Variants in TRIM62 observed in about 807,000 individuals in gnomAD.
TRIM62 encodes tripartite motif containing 62.
A neutral mutation model predicts 44.2 loss-of-function variants in TRIM62; 39 were observed. That is an observed-to-expected ratio of 0.88 (90% confidence interval 0.68 to 1.15). The LOEUF (loss-of-function observed/expected upper bound fraction) is 1.15. TRIM62 is among the 50% of genes most tolerant of loss of function. The pLI is 0.00. For missense variants in TRIM62, 544 were observed against 665.5 expected (o/e 0.82, Z 2.01); for synonymous variants, 278 against 292.3 (o/e 0.95, Z 0.50).
At chr1:33,179,248 C>T (rs1027700667) in intron 1 of TRIM62, among the ~76,000 whole-genome samples, 19 of 152,220 alleles carry the variant, frequency 1.2e-4, no homozygotes, top group African/African-American at 4.6e-4. Context: ...CTCCCAGAGG[C>T]CCAGGCCCTT....
intron 1 of TRIM62, among the ~76,000 whole-genome samples, chr1:33,171,294 C>T (rs139228439): frequency 6.6e-6 from 1 of 152,284 alleles, no homozygotes; most frequent in Non-Finnish European, 1.5e-5. Context: ...GGGCTGGAGG[C>T]GGATGTGGTT....
At position 33,173,754 on chromosome 1, in the gene TRIM62, A is replaced by G. The variant is rs114752495; in HGVS notation, c.408+7271T>C. 4.6e-3 allele frequency among the ~76,000 whole-genome samples: 695 copies of G among 151,616 alleles called. 5 individuals carry two copies. Among genetic ancestry groups the G allele is most frequent in the African/African-American group, 0.016 (653 of 41,288 alleles). On this transcript the variant is annotated intron_variant, in intron 1 of 4. Transcript: ENST00000291416. Reference sequence around the variant, plus strand: ...CACTCTATCACCTAGGCTGAAGTGCAGTGGTGCAATCATAGCTCACTATAG... The same window carrying G: ...CACTCTATCACCTAGGCTGAAGTGCGGTGGTGCAATCATAGCTCACTATAG...
intron 1 of TRIM62, among the ~76,000 whole-genome samples, chr1:33,175,158 C>A (rs1186347123): frequency 1.3e-5 from 2 of 151,764 alleles, no homozygotes; most frequent in Non-Finnish European, 2.9e-5. Context: ...CGTGCCTCAG[C>A]CTCCCGAGTA....
At chr1:33,148,990 A>AG (rs1349133180) in intron 4 of TRIM62, among the ~76,000 whole-genome samples, 1 of 152,082 alleles carries the variant, frequency 6.6e-6, no homozygotes, top group Non-Finnish European at 1.5e-5. Flanking sequence ...TACCCCACTT[A>AG]GGTCCAAAGC....
chr1:33,153,865 G>T (rs2124719426), intron 4 of TRIM62, among the ~76,000 whole-genome samples: 1 of 152,338 alleles, frequency 6.6e-6, no homozygotes, highest in Admixed American at 6.5e-5. Context: ...CATTTGCTGT[G>T]CTAGCTGCTG....
chr1:33,180,078 A>G (rs1387474534), intron 1 of TRIM62, among the ~76,000 whole-genome samples: 6 of 151,904 alleles, frequency 3.9e-5, no homozygotes, highest in Non-Finnish European at 8.8e-5. Context: ...AAAGTTGAGT[A>G]GGAGTTTGTC....
At chr1:33,175,621 G>A (rs140192978) in intron 1 of TRIM62, among the ~76,000 whole-genome samples, 60 of 152,286 alleles carry the variant, frequency 3.9e-4, no homozygotes, top group African/African-American at 1.3e-3. Context: ...GGTGAATTCT[G>A]AGTCAGAAAG....
intron 1 of TRIM62, among the ~76,000 whole-genome samples, chr1:33,170,505 G>A (rs1645365461): frequency 6.6e-6 from 1 of 152,000 alleles, no homozygotes; most frequent in South Asian, 2.1e-4. Context: ...ACACACCCCT[G>A]GCCTCGCTGA....
At chr1:33,172,972 C>T (rs931019796) in intron 1 of TRIM62, among the ~76,000 whole-genome samples, 2 of 152,200 alleles carry the variant, frequency 1.3e-5, no homozygotes, top group Admixed American at 6.5e-5. Flanking sequence ...CCCAGCATGG[C>T]GCTGCACACA....
intron 4 of TRIM62, 72 bp downstream of exon 4, chr1:33,158,181 T>C (rs1395736182): frequency 1.4e-6 from 2 of 1,413,610 alleles, no homozygotes; most frequent in African/African-American, 2.8e-5. Context: ...CCATGCTGTG[T>C]TTAGGACAGG....
intron 4 of TRIM62, among the ~76,000 whole-genome samples, chr1:33,156,354 A>G (rs562967745): frequency 2.6e-5 from 4 of 152,206 alleles, no homozygotes; most frequent in African/African-American, 4.8e-5. Flanking sequence ...GCTCCACCCA[A>G]CCAGCTCTCA....
In TRIM62 at chr1:33,167,661, T is replaced by C. The variant is rs553742965; in HGVS notation, c.409-2095A>G. The stretch of plus-strand genomic sequence containing the variant: ...ATGGCCTCTGAGTTCCCCAAGTCAG[T>C]CTGGGCTGTGAGCAGTGCCAGGAAG... On this transcript the variant is annotated intron_variant, in intron 1 of 4. Transcript: ENST00000291416. The surrounding 1 kb of genome is among the most constrained non-coding windows in gnomAD (Gnocchi z 4.2). 6.6e-6 allele frequency among the ~76,000 whole-genome samples: 1 copy of C among 152,282 alleles called. No individual in the cohort carries two copies. The highest frequency in any genetic ancestry group is 2.1e-4 in the South Asian group (1 of 4,826).
chr1:33,173,105 C>A (rs1165370820), intron 1 of TRIM62, among the ~76,000 whole-genome samples: 1 of 152,200 alleles, frequency 6.6e-6, no homozygotes, highest in Non-Finnish European at 1.5e-5. Flanking sequence ...TTTCCTCCCC[C>A]AACCCCAATC....
intron 1 of TRIM62, among the ~76,000 whole-genome samples, chr1:33,170,016 A>G (rs1645360581): frequency 6.6e-6 from 1 of 152,164 alleles, no homozygotes; most frequent in Non-Finnish European, 1.5e-5. Flanking sequence ...TTTAATTGCA[A>G]GGTTACCTGT....
intron 4 of TRIM62, among the ~76,000 whole-genome samples, chr1:33,149,454 CTT>C (rs200172029): frequency 7.4e-6 from 1 of 134,836 alleles, no homozygotes; most frequent in Non-Finnish European, 1.6e-5. Context: ...GTGCTGGATT[CTT>C]TTAAAAAAAA....
intron 4 of TRIM62, among the ~76,000 whole-genome samples, chr1:33,153,013 C>A (rs986501634): frequency 5.4e-5 from 6 of 111,888 alleles, no homozygotes; most frequent in Non-Finnish European, 9.9e-5. Flanking sequence ...GGAGAGCTTC[C>A]TAATGTTAGG....
chr1:33,147,258 G>C lies in TRIM62; in HGVS notation c.1347C>G (p.Leu449=). The change falls in exon 5 of 5, where the codon CTC becomes CTG. Residue 449 remains leucine (L), a synonymous_variant. Coordinates refer to ENST00000291416, the MANE Select transcript of TRIM62 (RefSeq NM_018207.3). This position sits in a 1 kb window ranked among gnomAD's most constrained non-coding sequence, Gnocchi z 8.1. The stretch of plus-strand genomic sequence containing the variant: ...TCTGGCCAGGGCTGAAGTAAGAGCA[G>C]AGCTTGCCAGGGAACTTCTCGCGGA... ...YTFREKFPGK[L]CSYFSPGQSH... 1 of 1,614,124 alleles carries C rather than the reference G, an allele frequency of 6.2e-7. No homozygotes were observed. Among genetic ancestry groups the C allele is most frequent in the Non-Finnish European group, 8.5e-7 (1 of 1,180,040 alleles).
chr1:33,154,507 GT>G (rs34128393), intron 4 of TRIM62, among the ~76,000 whole-genome samples: 4 of 149,530 alleles, frequency 2.7e-5, no homozygotes, highest in South Asian at 4.3e-4. Context: ...AATTAAATTT[GT>G]TTTTTTTGAG....
chr1:33,151,020 G>A (rs972855310), intron 4 of TRIM62, among the ~76,000 whole-genome samples: 2 of 152,098 alleles, frequency 1.3e-5, no homozygotes, highest in African/African-American at 2.4e-5. Context: ...GTGCGGGGCG[G>A]GGGGTACCCT....
Sources: allele counts gnomAD v4.1 joint callset (sites outside exome capture counted in the v4.1 genomes callset), GRCh38; gene constraint gnomAD v4.1.1; non-coding constraint Gnocchi (gnomAD v3.1); transcripts MANE v1.5; gene names NCBI Gene and HGNC (gene_info 2026-07-23, HGNC 2026-07-21).